LSM5: variants seen among roughly 807,000 people sequenced by gnomAD.
LSM5 encodes LSM5 homolog, U6 small nuclear RNA and mRNA degradation associated.
Under a neutral mutation model 13.8 loss-of-function variants are expected in LSM5, and 8 were observed. The ratio of observed to expected loss-of-function variants is 0.58; its 90% confidence interval spans 0.34 to 1.04. The LOEUF (loss-of-function observed/expected upper bound fraction) is 1.04, where lower values mean the gene tolerates loss of function less well. LSM5 is among the 50% of genes least tolerant of loss of function. LSM5 has a pLI of 0.03. For synonymous variants in LSM5, 35 were observed against 37.0 expected (o/e 0.95, Z 0.20); for missense variants, 80 against 108.1 (o/e 0.74, Z 1.15).
At chr7:32,494,322 TAC>T (rs780192030), upstream of LSM5, among the ~76,000 whole-genome samples, 21 of 151,620 alleles carry the variant, frequency 1.4e-4, no homozygotes, top group South Asian at 1.0e-3. Flanking sequence ...AATATAGTTT[TAC>T]ACAGTTTTCT....
At chr7:32,488,883 C>T (rs1306293681) in intron 2 of LSM5, among the ~76,000 whole-genome samples, 1 of 152,134 alleles carries the variant, frequency 6.6e-6, no homozygotes, top group Non-Finnish European at 1.5e-5. Context: ...CATCACCATG[C>T]CCAGCTAATT....
rs754870446 is a variant in LSM5, at chr7:32,489,256, G to A, written c.135C>T (p.Asp45=). 6.3e-6 allele frequency: 10 copies of A among 1,574,920 alleles called. No individual in the cohort carries two copies. The highest frequency in any genetic ancestry group is 4.5e-5 in the South Asian group (4 of 88,884). ...EIVGTLLGFD[D]FVNMVLEDVT... Reference sequence around the variant, plus strand: ...CACCTTTTAAAAGGATACTGACAAAGTCATCAAATCCTAGAAGAGTACCAA... The same window carrying A: ...CACCTTTTAAAAGGATACTGACAAAATCATCAAATCCTAGAAGAGTACCAA... The change falls in exon 2 of 5, where the codon GAC becomes GAT. Residue 45 remains aspartate, a synonymous_variant. Coordinates refer to ENST00000450169, the MANE Select transcript of LSM5 (RefSeq NM_012322.3).
intron 1 of LSM5, 86 bp downstream of exon 1, chr7:32,490,234 G>A: frequency 6.2e-7 from 1 of 1,612,048 alleles, no homozygotes; most frequent in Non-Finnish European, 8.5e-7. Flanking sequence ...CCCCACACTC[G>A]GCCAGGGCCT....
chr7:32,488,510 T>C (rs1349718160), intron 3 of LSM5, 115 bp downstream of exon 3: 3 of 752,682 alleles, frequency 4.0e-6, no homozygotes, highest in Middle Eastern at 2.5e-4. Context: ...AAAACGTCTA[T>C]CTTTAACGTT....
intron 1 of LSM5, 199 bp downstream of exon 1, chr7:32,490,119 CAA>C (rs1786542937): frequency 5.9e-6 from 9 of 1,532,314 alleles, no homozygotes; most frequent in African/African-American, 2.7e-5. Context: ...TTTGAGAAGT[CAA>C]AGTCCTTGCC....
chr7:32,494,420 T>C (rs1786685013), upstream of LSM5, among the ~76,000 whole-genome samples: 1 of 152,248 alleles, frequency 6.6e-6, no homozygotes, highest in African/African-American at 2.4e-5. Flanking sequence ...ATTAAAACAG[T>C]TCTACTGAAT....
At position 32,486,436 on chromosome 7, in the gene LSM5, G is replaced by A. The variant is rs1786449783; in HGVS notation, c.*825C>T. On this transcript the variant is annotated 3_prime_UTR_variant, in exon 5 of 5. Transcript: ENST00000450169. ...AAGCATGATCAACCTTCTCCTTTTTGCTTACCTACAATTCTACGATGTGCA... is the reference window on the plus strand; with the variant it reads ...AAGCATGATCAACCTTCTCCTTTTTACTTACCTACAATTCTACGATGTGCA... 6.6e-6 allele frequency: 1 copy of A among 152,088 alleles called. No homozygotes were observed. The highest frequency in any genetic ancestry group is 6.6e-5 in the Admixed American group (1 of 15,254). 9.4% of individuals were successfully genotyped at this position (152,088 alleles called of 1,614,324 possible).
chr7:32,487,810 C>T (rs1021590511), intron 3 of LSM5, 53 bp from the exon 4 acceptor site: 8 of 975,806 alleles, frequency 8.2e-6, no homozygotes, highest in Non-Finnish European at 1.3e-5. Flanking sequence ...TCAAAGCCAA[C>T]ATTTTGGAAA....
At position 32,486,340 on chromosome 7, in the gene LSM5, A is replaced by C. The variant is rs1786447352; in HGVS notation, c.*921T>G. 1 of 152,250 alleles carries C rather than the reference A, an allele frequency of 6.6e-6. No individual in the cohort carries two copies. Among genetic ancestry groups the C allele is most frequent in the Non-Finnish European group, 1.5e-5 (1 of 68,048 alleles). 9.4% of individuals were successfully genotyped at this position (152,250 alleles called of 1,614,324 possible). A position where few individuals can be genotyped will look rare whatever the true frequency, so the allele number is the denominator to read the frequency against. ...CTTAAGTGGAGGGTAAAAACAGTAT[A>C]ATCAGGATGAGCAAGTAAAATAAAA... is the stretch of plus-strand genomic sequence containing the variant. On this transcript the variant is annotated 3_prime_UTR_variant, in exon 5 of 5. Transcript: ENST00000450169.
At chr7:32,488,750 G>C in intron 2 of LSM5, 98 bp from the exon 3 acceptor site, 1 of 824,206 alleles carries the variant, frequency 1.2e-6, no homozygotes, top group Non-Finnish European at 2.1e-6. Flanking sequence ...TTGAGACAAA[G>C]TCTCGCTCTG....
chr7:32,490,929 A>C (rs1211647812), upstream of LSM5: 1 of 155,184 alleles, frequency 6.4e-6, no homozygotes, highest in East Asian at 1.9e-4. Context: ...TGGTAGTCTT[A>C]TTTATTATAG....
chr7:32,492,978 G>GA (rs1247620737), upstream of LSM5, among the ~76,000 whole-genome samples: 1 of 152,114 alleles, frequency 6.6e-6, no homozygotes, highest in African/African-American at 2.4e-5. Flanking sequence ...TCTTGTTAAT[G>GA]AATTTATTCT....
Position 32,485,482 on chromosome 7 carries a change from T to C in LSM5, c.*1779A>G, listed in dbSNP as rs1177719827. ...TAGCACTAAGTGGCAAACTACAAAC[T>C]AGGGAAATTATTAGCAAAATACATG... On this transcript the variant is annotated 3_prime_UTR_variant, in exon 5 of 5. Coordinates refer to ENST00000450169, the MANE Select transcript of LSM5 (RefSeq NM_012322.3). 3 of 152,152 alleles carry C rather than the reference T, an allele frequency of 2.0e-5. No homozygotes were observed. The allele number at this position is 152,152 out of a possible 1,614,324, so 9.4% of individuals were successfully genotyped here.
rs770684810 is a variant in LSM5, at chr7:32,487,220, A to G, written c.*41T>C. 4 of 1,594,598 alleles carry G rather than the reference A, an allele frequency of 2.5e-6. No homozygotes were observed. In the South Asian group the frequency reaches 4.4e-5, roughly 18 times the overall value. ...AAAAAAATTCCATTTTCTTGTCATT[A>G]TAAGCCAAAACAAAATCTAGTGTAA... On this transcript the variant is annotated 3_prime_UTR_variant, in exon 5 of 5. Coordinates refer to ENST00000450169, the MANE Select transcript of LSM5 (RefSeq NM_012322.3).
chr7:32,491,321 C>A (rs758298630), upstream of LSM5, among the ~76,000 whole-genome samples: 1 of 144,962 alleles, frequency 6.9e-6, no homozygotes, highest in Non-Finnish European at 1.5e-5. Context: ...TGCTTGAACC[C>A]GAGAGGCAGC....
At chr7:32,493,540 C>CT (rs1434071165), upstream of LSM5, among the ~76,000 whole-genome samples, 4 of 105,306 alleles carry the variant, frequency 3.8e-5, no homozygotes, top group Non-Finnish European at 9.4e-5. Context: ...CTCTCTCTCT[C>CT]CCTTTCTTTA....
upstream of LSM5, among the ~76,000 whole-genome samples, chr7:32,492,893 T>C (rs1241388151): frequency 6.6e-6 from 1 of 152,244 alleles, no homozygotes; most frequent in Admixed American, 6.5e-5. Flanking sequence ...CAGAAAGGCA[T>C]TTCTAATTTT....
intron 3 of LSM5, 23 bp from the exon 4 acceptor site, chr7:32,487,780 G>A: frequency 8.2e-7 from 1 of 1,217,124 alleles, no homozygotes; most frequent in East Asian, 2.3e-5. Context: ...ATAAAATACA[G>A]TCAGGACAAA....
chr7:32,492,063 C>T (rs1168439324), upstream of LSM5, among the ~76,000 whole-genome samples: 4 of 152,106 alleles, frequency 2.6e-5, no homozygotes, highest in East Asian at 3.9e-4. Flanking sequence ...TTGTTTGTGA[C>T]GCTTCTTTCT....
Sources: gnomAD v4.1 joint callset for allele counts (sites outside exome capture counted in the v4.1 genomes callset) on GRCh38, gnomAD v4.1.1 for gene constraint, MANE v1.5 for transcripts, NCBI Gene and HGNC (gene_info 2026-07-23, HGNC 2026-07-21) for gene names.